DLG1: variants seen among roughly 807,000 people sequenced by gnomAD.
The protein encoded by DLG1 is discs large MAGUK scaffold protein 1.
In DLG1, 42 loss-of-function variants were observed where a neutral mutation model predicts 123.4. The ratio of observed to expected loss-of-function variants is 0.34; its 90% CI spans 0.27 to 0.44. The LOEUF is 0.44. Ranked by LOEUF, DLG1 falls within the 20% of genes least tolerant of loss-of-function variation. The pLI, the probability that DLG1 is intolerant of heterozygous loss-of-function variation, is 1.00. For synonymous variants in DLG1, 317 were observed against 356.2 expected, an observed-to-expected ratio of 0.89 and a Z score of 1.24; for missense variants, 942 against 1,082.6, an observed-to-expected ratio of 0.87 and a Z score of 1.82.
chr3:197,180,361 G>C (rs888821733), intron 5 of DLG1, among the ~76,000 whole-genome samples: 10 of 152,122 alleles, frequency 6.6e-5, no homozygotes, highest in African/African-American at 2.4e-4. Flanking sequence ...TGTATGCTAA[G>C]TAGGACGGGG....
intron 12 of DLG1, among the ~76,000 whole-genome samples, chr3:197,118,525 A>C (rs576620057): frequency 4.4e-4 from 67 of 152,344 alleles, no homozygotes; most frequent in African/African-American, 1.6e-3. Flanking sequence ...CAGGAGTCTG[A>C]TAAGTAAAAA....
intron 10 of DLG1, among the ~76,000 whole-genome samples, chr3:197,132,417 T>C (rs529679430): frequency 2.0e-5 from 3 of 152,358 alleles, no homozygotes; most frequent in Non-Finnish European, 2.9e-5. Context: ...AGTTGACTAT[T>C]GCAGTTTTTA....
chr3:197,178,818 G>A (rs1227450130), intron 5 of DLG1, among the ~76,000 whole-genome samples: 1 of 152,070 alleles, frequency 6.6e-6, no homozygotes, highest in African/African-American at 2.4e-5. Context: ...ACTGGCCACT[G>A]GATTTGATAA....
intron 5 of DLG1, among the ~76,000 whole-genome samples, chr3:197,151,326 A>G (rs997805646): frequency 2.0e-5 from 3 of 152,324 alleles, no homozygotes; most frequent in Non-Finnish European, 4.4e-5. Context: ...CATGCAGTGG[A>G]AAAAGTTGGT....
At chr3:197,239,931 A>G (rs574419353) in intron 4 of DLG1, among the ~76,000 whole-genome samples, 27 of 151,996 alleles carry the variant, frequency 1.8e-4, no homozygotes, top group Admixed American at 7.9e-4. Context: ...GCCAGCACCT[A>G]ATGGGCAAAA....
chr3:197,255,043 C>T (rs115297051), intron 4 of DLG1, among the ~76,000 whole-genome samples: 6,122 of 151,610 alleles, frequency 0.04, 178 homozygotes, highest in Non-Finnish European at 0.054. Context: ...GTGACAAGAG[C>T]GAGATTCTGT....
At chr3:197,276,073 C>T (rs773623714) in intron 4 of DLG1, among the ~76,000 whole-genome samples, 30 of 152,236 alleles carry the variant, frequency 2.0e-4, no homozygotes, top group Non-Finnish European at 4.0e-4. Context: ...ACATGCCTAA[C>T]CTCATGGTTT....
intron 4 of DLG1, among the ~76,000 whole-genome samples, chr3:197,230,274 AATTT>A (rs1742254836): frequency 6.6e-6 from 1 of 152,366 alleles, no homozygotes; most frequent in East Asian, 1.9e-4. Flanking sequence ...TGTAAATATG[AATTT>A]ATTAAGTAAA....
At chr3:197,206,121 G>C (rs1728389586) in intron 4 of DLG1, among the ~76,000 whole-genome samples, 1 of 152,140 alleles carries the variant, frequency 6.6e-6, no homozygotes, top group Non-Finnish European at 1.5e-5. Flanking sequence ...ACATCTTTGA[G>C]GGGGGCAGAA....
At chr3:197,296,903 G>C in intron 2 of DLG1, 1 of 448,150 alleles carries the variant, frequency 2.2e-6, no homozygotes, top group Non-Finnish European at 4.0e-6. Flanking sequence ...TAGTAAGAAT[G>C]ATAGAGTGAA....
intron 4 of DLG1, among the ~76,000 whole-genome samples, chr3:197,274,959 C>T (rs901185507): frequency 3.3e-5 from 5 of 152,112 alleles, no homozygotes; most frequent in Non-Finnish European, 7.4e-5. Flanking sequence ...CCGAGGCAGG[C>T]AGATCACGAG....
At chr3:197,257,710 G>A (rs1477424835) in intron 4 of DLG1, among the ~76,000 whole-genome samples, 2 of 152,140 alleles carry the variant, frequency 1.3e-5, no homozygotes, top group Non-Finnish European at 2.9e-5. Context: ...TTACTTGACA[G>A]CTGGGAAACC....
intron 3 of DLG1, among the ~76,000 whole-genome samples, chr3:197,291,959 G>C (rs1442253116): frequency 2.6e-5 from 4 of 152,068 alleles, no homozygotes; most frequent in Non-Finnish European, 5.9e-5. Context: ...AAAAAGAAAG[G>C]AAAAAAATTA....
At chr3:197,127,423 CAAAAAAAAAAAAAAAAAAA>C (rs34530877) in intron 11 of DLG1, among the ~76,000 whole-genome samples, 9 of 39,556 alleles carry the variant, frequency 2.3e-4, no homozygotes, top group East Asian at 1.4e-3. Context: ...ATTCTGTCTC[CAAAAAAAAAAAAAAAAAAA>C]AAAAAAAAAA....
At chr3:197,267,581 C>T (rs1762234653) in intron 4 of DLG1, among the ~76,000 whole-genome samples, 1 of 91,020 alleles carries the variant, frequency 1.1e-5, no homozygotes, top group Non-Finnish European at 2.4e-5. Context: ...TTCCCATTCC[C>T]AATATTCTGT....
chr3:197,062,267 G>A (rs1736367181), intron 22 of DLG1, among the ~76,000 whole-genome samples: 1 of 152,162 alleles, frequency 6.6e-6, no homozygotes, highest in South Asian at 2.1e-4. Flanking sequence ...CAACATGCCT[G>A]TTTTATAATT....
At chr3:197,260,750 C>CAAAAAAAAAA (rs570596943) in intron 4 of DLG1, among the ~76,000 whole-genome samples, 17 of 18,322 alleles carry the variant, frequency 9.3e-4, no homozygotes, top group Non-Finnish European at 1.0e-3. Flanking sequence ...TGACAACCAC[C>CAAAAAAAAAA]AAAAAAAAAA....
chr3:197,179,795 G>A (rs1407200756), intron 5 of DLG1, among the ~76,000 whole-genome samples: 1 of 152,068 alleles, frequency 6.6e-6, no homozygotes, highest in Non-Finnish European at 1.5e-5. Flanking sequence ...CTATAACTCA[G>A]AAGGCATCTG....
chr3:197,274,088 G>A (rs1341942002), intron 4 of DLG1, among the ~76,000 whole-genome samples: 1 of 152,062 alleles, frequency 6.6e-6, no homozygotes, highest in East Asian at 1.9e-4. Flanking sequence ...ATTCTTCATA[G>A]AAATAGAAAA....
Sources: allele counts gnomAD v4.1 joint callset (sites outside exome capture counted in the v4.1 genomes callset), GRCh38; gene constraint gnomAD v4.1.1; transcripts MANE v1.5; gene names NCBI Gene and HGNC (gene_info 2026-07-23, HGNC 2026-07-21).